TACC2: variants seen among roughly 807,000 people sequenced by gnomAD.
The protein encoded by TACC2 is transforming acidic coiled-coil containing protein 2.
Under a neutral mutation model 227.3 loss-of-function variants are expected in TACC2, and 137 were observed. The ratio of observed to expected loss-of-function variants is 0.60; its 90% CI spans 0.52 to 0.69. The LOEUF is 0.69. Ranked by LOEUF, TACC2 falls within the 30% of genes least tolerant of loss-of-function variation. The pLI, the probability that TACC2 is intolerant of heterozygous loss-of-function variation, is 0.00. For synonymous variants in TACC2, 1,523 were observed against 1,487.5 expected (o/e 1.02, Z -0.55); for missense variants, 3,470 against 3,694.4 (o/e 0.94, Z 1.57).
chr10:122,025,916 A>G (rs1254540218), intron 2 of TACC2, among the ~76,000 whole-genome samples: 2 of 151,902 alleles, frequency 1.3e-5, no homozygotes, highest in Non-Finnish European at 2.9e-5. Context: ...AGAGTTCTTT[A>G]TATAGTCTAG....
At chr10:122,203,754 G>A (rs1318464500) in intron 8 of TACC2, among the ~76,000 whole-genome samples, 1 of 151,566 alleles carries the variant, frequency 6.6e-6, no homozygotes, top group African/African-American at 2.4e-5. Context: ...CCCAGACGGG[G>A]TGGCGGCCGG....
At chr10:122,229,749 A>AT in intron 15 of TACC2, among the ~76,000 whole-genome samples, 2 of 152,198 alleles carry the variant, frequency 1.3e-5, no homozygotes, top group Non-Finnish European at 2.9e-5. Context: ...ATTTAGAAGC[A>AT]TTGATAGCCC....
At chr10:122,196,848 A>T (rs1411171722) in intron 8 of TACC2, among the ~76,000 whole-genome samples, 2 of 143,990 alleles carry the variant, frequency 1.4e-5, no homozygotes, top group Non-Finnish European at 3.0e-5. Flanking sequence ...AGGCAGGAGA[A>T]TGGTGTGAAC....
chr10:122,034,404 C>G (rs1959544520), intron 2 of TACC2, among the ~76,000 whole-genome samples: 1 of 152,052 alleles, frequency 6.6e-6, no homozygotes, highest in South Asian at 2.1e-4. Context: ...GGATAATCAT[C>G]CCAGGTCATT....
At position 122,196,373 on chromosome 10, in the gene TACC2, G is replaced by A. The variant is rs117021892; in HGVS notation, c.5971+1197G>A. On this transcript the variant is annotated intron_variant, in intron 8 of 22. Transcript: ENST00000369005. The stretch of plus-strand genomic sequence containing the variant: ...GCTGATGCCTTTGGTGGAGTCTGCC[G>A]AATACTGCTCCCATGTCCCCCGTCT... Among the ~76,000 whole-genome samples the A allele has an allele frequency of 4.9e-4, 74 of 152,266 alleles. 1 individual carries two copies. The East Asian group carries it at 0.014, about 29-fold the overall frequency.
intron 1 of TACC2, among the ~76,000 whole-genome samples, chr10:122,002,189 A>G (rs1565037271): frequency 1.3e-5 from 2 of 152,330 alleles, no homozygotes; most frequent in East Asian, 3.9e-4. Context: ...ATCTTCTTAC[A>G]AGGGTACTAA....
In TACC2 at chr10:122,209,563, T is replaced by C. The variant is rs1046987382; in HGVS notation, c.5972-834T>C. ...CTCCTGTTTCATGCACTTACCTTGA[T>C]TCTGGCCTTTGCTTAGATGTCTCCT... On this transcript the variant is annotated intron_variant, in intron 8 of 22. Coordinates refer to ENST00000369005, the MANE Select transcript of TACC2 (RefSeq NM_206862.4). This position sits in a 1 kb window ranked among gnomAD's most constrained non-coding sequence, Gnocchi z 4.5. 6.6e-6 allele frequency among the ~76,000 whole-genome samples: 1 copy of C among 152,204 alleles called. No individual in the cohort carries two copies. The highest frequency in any genetic ancestry group is 2.4e-5 in the African/African-American group (1 of 41,452).
intron 2 of TACC2, chr10:122,023,289 C>T (rs1359034076): frequency 6.6e-6 from 1 of 152,142 alleles, no homozygotes; most frequent in Non-Finnish European, 1.5e-5. Context: ...CTCGGCCTCC[C>T]AAACTGCTGG....
At chr10:122,017,291 G>A (rs994934822) in intron 1 of TACC2, among the ~76,000 whole-genome samples, 4 of 152,074 alleles carry the variant, frequency 2.6e-5, no homozygotes, top group Non-Finnish European at 5.9e-5. Context: ...TCACAGCAGC[G>A]CACACAGATG....
intron 5 of TACC2, among the ~76,000 whole-genome samples, chr10:122,111,494 C>T (rs1271862296): frequency 4.0e-5 from 6 of 151,790 alleles, no homozygotes; most frequent in Admixed American, 2.0e-4. Flanking sequence ...GGCACAAGAA[C>T]CTTTTGTTTT....
At position 122,237,306 on chromosome 10, in the gene TACC2, T is replaced by C. The variant is rs1341140208; in HGVS notation, c.8128-89T>C. The C allele has an allele frequency of 4.8e-6, 6 of 1,261,532 alleles. No homozygotes were observed. The East Asian group carries it at 7.5e-5, about 16-fold the overall frequency. 78.1% of individuals were successfully genotyped at this position (1,261,532 alleles called of 1,614,324 possible). ...TGTTCTTTGTTTCAAAACCATACAA[T>C]TGGCCCATTCATGAGAGGGTGAGTG... On this transcript the variant is annotated intron_variant, in intron 16 of 22. Transcript: ENST00000369005.
chr10:122,103,363 C>T (rs2082386158), intron 5 of TACC2, among the ~76,000 whole-genome samples: 1 of 152,182 alleles, frequency 6.6e-6, no homozygotes, highest in Non-Finnish European at 1.5e-5. Flanking sequence ...AAGCCTGCTT[C>T]CTCCATTGCC....
intron 5 of TACC2, among the ~76,000 whole-genome samples, chr10:122,129,174 G>A (rs533445521): frequency 2.0e-5 from 3 of 151,584 alleles, no homozygotes; most frequent in Non-Finnish European, 4.4e-5. Context: ...TCCAACTCCT[G>A]GGTTCAAGCG....
chr10:122,190,262 T>C (rs2094360708), intron 7 of TACC2, among the ~76,000 whole-genome samples: 1 of 152,116 alleles, frequency 6.6e-6, no homozygotes. Context: ...GGAAATAGGC[T>C]CTTAGGGTCT....
chr10:122,154,197 T>C (rs188593730), intron 7 of TACC2, among the ~76,000 whole-genome samples: 6 of 152,370 alleles, frequency 3.9e-5, no homozygotes, highest in African/African-American at 1.2e-4. Context: ...CTCATAGTTA[T>C]TGAGGGCTTC....
At chr10:122,242,597 A>G (rs1409162946) in intron 19 of TACC2, among the ~76,000 whole-genome samples, 3 of 152,172 alleles carry the variant, frequency 2.0e-5, no homozygotes, top group Middle Eastern at 3.4e-3. Flanking sequence ...GCTCACAATA[A>G]AAGAAGGCCT....
At position 122,216,810 on chromosome 10, in the gene TACC2, T is replaced by G; in HGVS notation, c.7528T>G (p.Phe2510Val). ...GTCCACCTTTGTAAACGAGACCAAA[T>G]TCAGTTCACCCACTGAGGGTAAGCA... ...DLSTFVNETK[F>V]SSPTEELDYR... is the part of the protein sequence containing the mutation. Residue 2510 changes from phenylalanine to valine, a missense_variant, in exon 11 of 23, where the codon TTC becomes GTC. By Grantham distance (50) the Phe-to-Val change is conservative (BLOSUM62 -1). This residue lies in a region of TACC2 where 345 missense variants were observed against 354.4 expected (regional missense o/e 0.97). Transcript: ENST00000369005. The G allele has an allele frequency of 6.2e-7, 1 of 1,614,060 alleles. No individual in the cohort carries two copies.
At position 122,108,435 on chromosome 10, in the gene TACC2, A is replaced by G. The variant is rs1011547633; in HGVS notation, c.5573+19844A>G. Among the ~76,000 whole-genome samples the G allele has an allele frequency of 9.8e-5, 12 of 122,752 alleles. 1 individual carries two copies. Among genetic ancestry groups the G allele is most frequent in the Non-Finnish European group, 3.3e-5 (2 of 59,872 alleles). 80.5% of individuals were successfully genotyped at this position (122,752 alleles called of 152,430 possible). A position where few individuals can be genotyped will look rare whatever the true frequency, so the allele number is the denominator to read the frequency against. ...GTGTGTATATATATATGTGTATGTCATATTTTCTTTTTTTTTTTTTTTTTT... is the reference window on the plus strand; with the variant it reads ...GTGTGTATATATATATGTGTATGTCGTATTTTCTTTTTTTTTTTTTTTTTT... On this transcript the variant is annotated intron_variant, in intron 5 of 22. Transcript: ENST00000369005.
rs781313118 is a variant in TACC2, at chr10:122,085,835, A to G, written c.3335A>G (p.Lys1112Arg). The change falls in exon 4 of 23, where the codon AAG becomes AGG. Residue 1112 changes from lysine (K) to arginine (R), a missense_variant. By Grantham distance (26) the Lys-to-Arg change is conservative (BLOSUM62 2). Coordinates refer to ENST00000369005, the MANE Select transcript of TACC2 (RefSeq NM_206862.4). ...CWATSDAESP[K>R]LLASFPSAGE... ...GCCACTTCGGATGCAGAGTCCCCAA[A>G]GCTTCTTGCAAGTTTCCCATCAGCT... The G allele has an allele frequency of 6.2e-7, 1 of 1,613,044 alleles. No individual in the cohort carries two copies. Among genetic ancestry groups the G allele is most frequent in the South Asian group, 1.1e-5 (1 of 90,966 alleles).
Sources: allele counts gnomAD v4.1 joint callset (sites outside exome capture counted in the v4.1 genomes callset), GRCh38; gene constraint gnomAD v4.1.1; regional missense constraint gnomAD v4.1.1; non-coding constraint Gnocchi (gnomAD v3.1); transcripts MANE v1.5; gene names NCBI Gene and HGNC (gene_info 2026-07-23, HGNC 2026-07-21).